Variants in SRGAP1 observed in about 807,000 individuals in gnomAD.
SRGAP1 encodes the protein SLIT-ROBO Rho GTPase-activating protein 1.
SRGAP1 carries 43 observed loss-of-function variants against 121.9 expected under a neutral mutation model. The ratio of observed to expected loss-of-function variants is 0.35; its 90% CI spans 0.28 to 0.46. SRGAP1 has a LOEUF of 0.46. SRGAP1 is among the 20% of genes least tolerant of loss of function. SRGAP1 has a pLI of 1.00. For synonymous variants in SRGAP1, 447 were observed against 485.4 expected, an observed-to-expected ratio of 0.92 and a Z score of 1.04; for missense variants, 1,102 against 1,350.9, an observed-to-expected ratio of 0.82 and a Z score of 2.89.
chr12:64,085,693 AT>A (rs1177826527), intron 10 of SRGAP1, among the ~76,000 whole-genome samples: 1 of 152,126 alleles, frequency 6.6e-6, no homozygotes, highest in Non-Finnish European at 1.5e-5. Flanking sequence ...ATAGCTATAA[AT>A]TATTCTGAAG....
intron 8 of SRGAP1, among the ~76,000 whole-genome samples, chr12:64,072,868 A>T (rs2035668106): frequency 6.6e-6 from 1 of 152,224 alleles, no homozygotes; most frequent in African/African-American, 2.4e-5. Context: ...AAGCCAGTCC[A>T]CAAAAGTCCA....
chr12:63,922,045 C>A (rs2031074609), intron 1 of SRGAP1, among the ~76,000 whole-genome samples: 1 of 150,490 alleles, frequency 6.6e-6, no homozygotes, highest in Admixed American at 6.7e-5. Flanking sequence ...GTGGTGTGAT[C>A]TTGGCTCACT....
chr12:63,927,548 A>G (rs950333516), intron 1 of SRGAP1, among the ~76,000 whole-genome samples: 6 of 152,152 alleles, frequency 3.9e-5, no homozygotes. Flanking sequence ...CAACATTTTC[A>G]TTATGCCTTT....
Position 64,158,040 on chromosome 12 carries a change from G to C in SRGAP1, c.*15368G>C, listed in dbSNP as rs940897552. 6 of 152,236 alleles carry C rather than the reference G, an allele frequency of 3.9e-5. No individual in the cohort carries two copies. The highest frequency in any genetic ancestry group is 1.4e-4 in the African/African-American group (6 of 41,440). 9.4% of individuals were successfully genotyped at this position (152,236 alleles called of 1,614,324 possible). On this transcript the variant is annotated 3_prime_UTR_variant, in exon 22 of 22. Transcript: ENST00000355086. ...ATGTCCAAGTCACATGGCAAGGGAG[G>C]CCAGGAAATGTCATCTTCCTATAAT... is the stretch of plus-strand genomic sequence containing the variant.
intron 3 of SRGAP1, among the ~76,000 whole-genome samples, chr12:63,998,844 T>C (rs749842496): frequency 1.3e-5 from 2 of 152,180 alleles, no homozygotes; most frequent in Admixed American, 6.6e-5. Flanking sequence ...AAATACATGC[T>C]ATAGTTTATT....
In SRGAP1 at chr12:64,011,092, C is replaced by T. The variant is rs565193065; in HGVS notation, c.427-5858C>T. 1.2e-4 allele frequency among the ~76,000 whole-genome samples: 18 copies of T among 151,866 alleles called. 1 individual carries two copies. The highest frequency in any genetic ancestry group is 3.4e-3 in the Middle Eastern group (1 of 294). ...TGAGGAAAGTACAGAGATGGGAAAG[C>T]GGGGCCTGAGACTTAGCAGTTTAGG... On this transcript the variant is annotated intron_variant, in intron 3 of 21. Transcript: ENST00000355086.
chr12:64,094,558 C>T (rs1427027788), intron 12 of SRGAP1, among the ~76,000 whole-genome samples: 1 of 152,068 alleles, frequency 6.6e-6, no homozygotes, highest in Non-Finnish European at 1.5e-5. Flanking sequence ...GAGAGAGAAT[C>T]CTGAGATGGC....
intron 6 of SRGAP1, among the ~76,000 whole-genome samples, chr12:64,058,776 A>C (rs1378076662): frequency 6.6e-6 from 1 of 150,670 alleles, no homozygotes; most frequent in Admixed American, 6.7e-5. Context: ...AAGTATCTTG[A>C]ATCTTAACAG....
chr12:63,947,500 A>T (rs2032088100), intron 1 of SRGAP1, among the ~76,000 whole-genome samples: 1 of 152,158 alleles, frequency 6.6e-6, no homozygotes, highest in Non-Finnish European at 1.5e-5. Context: ...AAATGGTTTA[A>T]TTTTTTAAAT....
At chr12:63,948,567 A>AT (rs2032126828) in intron 1 of SRGAP1, among the ~76,000 whole-genome samples, 1 of 151,570 alleles carries the variant, frequency 6.6e-6, no homozygotes, top group Non-Finnish European at 1.5e-5. Context: ...ACTTAATGTT[A>AT]TTTTTTCTGC....
chr12:64,137,719 G>T (rs1172087172), intron 21 of SRGAP1, among the ~76,000 whole-genome samples: 1 of 151,978 alleles, frequency 6.6e-6, no homozygotes, highest in African/African-American at 2.4e-5. Flanking sequence ...TCTCACACTA[G>T]GTTTTATGCA....
At chr12:64,024,406 G>A (rs1190627658) in intron 4 of SRGAP1, among the ~76,000 whole-genome samples, 2 of 152,114 alleles carry the variant, frequency 1.3e-5, no homozygotes, top group Admixed American at 6.5e-5. Flanking sequence ...GCTCCAGCCT[G>A]GACTCCAGCC....
At chr12:64,081,333 T>C (rs2035834743) in intron 10 of SRGAP1, 1 of 152,120 alleles carries the variant, frequency 6.6e-6, no homozygotes, top group Admixed American at 6.5e-5. Flanking sequence ...TCCTTAACCA[T>C]AAAGTTTCTA....
At chr12:63,845,997 T>A (rs1328093309) in intron 1 of SRGAP1, among the ~76,000 whole-genome samples, 1 of 152,180 alleles carries the variant, frequency 6.6e-6, no homozygotes, top group East Asian at 1.9e-4. Flanking sequence ...CCTGGAGTCC[T>A]GTGAGAGGAC....
At chr12:64,046,499 C>A (rs1002894209) in intron 6 of SRGAP1, among the ~76,000 whole-genome samples, 1 of 152,088 alleles carries the variant, frequency 6.6e-6, no homozygotes, top group Non-Finnish European at 1.5e-5. Flanking sequence ...GATAGACCTA[C>A]ACAAGTGGTA....
intron 9 of SRGAP1, 105 bp downstream of exon 9, chr12:64,079,221 A>G (rs1314459294): frequency 2.5e-6 from 3 of 1,217,104 alleles, no homozygotes; most frequent in Admixed American, 2.2e-5. Flanking sequence ...TTTTGTTAAA[A>G]TAGACTCCTG....
chr12:64,019,871 AG>A (rs1343703714), intron 4 of SRGAP1, among the ~76,000 whole-genome samples: 1 of 152,218 alleles, frequency 6.6e-6, no homozygotes, highest in African/African-American at 2.4e-5. Flanking sequence ...TGATTGTTGA[AG>A]TAACAGGCAT....
At chr12:63,855,675 G>A (rs997213063) in intron 1 of SRGAP1, among the ~76,000 whole-genome samples, 2 of 151,472 alleles carry the variant, frequency 1.3e-5, no homozygotes, top group African/African-American at 2.4e-5. Flanking sequence ...TTTTAGTAGA[G>A]ACGGAGTTCC....
intron 3 of SRGAP1, among the ~76,000 whole-genome samples, chr12:64,010,857 A>G (rs1160067505): frequency 6.6e-6 from 1 of 151,658 alleles, no homozygotes; most frequent in East Asian, 1.9e-4. Flanking sequence ...GAACACAGGC[A>G]CTTCAACGTT....
Sources: gnomAD v4.1 joint callset for allele counts (sites outside exome capture counted in the v4.1 genomes callset) on GRCh38, gnomAD v4.1.1 for gene constraint, MANE v1.5 for transcripts, NCBI Gene and HGNC (gene_info 2026-07-23, HGNC 2026-07-21) for gene names.